The following MED12L variants were observed in gnomAD, a reference collection of about 807,000 sequenced individuals.
MED12L encodes mediator complex subunit 12L, also known as mediator of RNA polymerase II transcription subunit 12-like protein.
In MED12L, 60 loss-of-function variants were observed where a neutral mutation model predicts 281.3. The observed-to-expected ratio is 0.21, with a 90% confidence interval of 0.17 to 0.26. MED12L has a LOEUF of 0.26. Among genes scored for constraint, MED12L ranks in the 10% least tolerant of loss-of-function variants. The pLI, the probability that MED12L is intolerant of heterozygous loss-of-function variation, is 1.00. For missense variants in MED12L, 2,146 were observed against 2,680.9 expected (o/e 0.80, Z 4.41); for synonymous variants, 974 against 987.2 (o/e 0.99, Z 0.25).
chr3:151,283,621 C>T (rs893093685), intron 16 of MED12L, among the ~76,000 whole-genome samples: 4 of 152,154 alleles, frequency 2.6e-5, no homozygotes, highest in Admixed American at 6.6e-5. Context: ...CATGCCTAGC[C>T]GTCCTTGCTG....
chr3:151,264,536 G>C (rs61159567), intron 16 of MED12L, among the ~76,000 whole-genome samples: 15 of 152,212 alleles, frequency 9.9e-5, no homozygotes, highest in African/African-American at 3.6e-4. Flanking sequence ...CCATAACCCA[G>C]TATGGAGAGT....
At chr3:151,284,286 GT>G (rs796278950) in intron 16 of MED12L, among the ~76,000 whole-genome samples, 10 of 146,092 alleles carry the variant, frequency 6.8e-5, no homozygotes, top group South Asian at 2.2e-4. Flanking sequence ...AGTTTTGTTT[GT>G]TTTTTTTTTT....
At chr3:151,116,665 C>T (rs1324162623) in intron 3 of MED12L, among the ~76,000 whole-genome samples, 1 of 152,122 alleles carries the variant, frequency 6.6e-6, no homozygotes, top group Non-Finnish European at 1.5e-5. Flanking sequence ...TCTGCCTCTC[C>T]CTCCTCCCCA....
chr3:151,126,958 G>GAT (rs938442613), intron 4 of MED12L, among the ~76,000 whole-genome samples: 2 of 152,088 alleles, frequency 1.3e-5, no homozygotes, highest in African/African-American at 4.8e-5. Flanking sequence ...GGCTGGCGTG[G>GAT]GGCATGTCCT....
chr3:151,377,104 C>T lies in MED12L; in HGVS notation c.4242C>T (p.Ser1414=). 1 of 1,614,046 alleles carries T rather than the reference C, an allele frequency of 6.2e-7. No homozygotes were observed. The highest frequency in any genetic ancestry group is 8.5e-7 in the Non-Finnish European group (1 of 1,179,924). ...DLNNSSNSGM[S]LFNPNSIGSA... is the part of the protein sequence containing the mutation. ...ATAATTCTTCTAATTCTGGCATGAGCCTCTTCAACCCAAACAGTATTGGAA... is the reference window on the plus strand; with the variant it reads ...ATAATTCTTCTAATTCTGGCATGAGTCTCTTCAACCCAAACAGTATTGGAA... The change falls in exon 30 of 45, where the codon AGC becomes AGT. Residue 1414 remains serine (S), a synonymous_variant. Transcript: ENST00000687756.
chr3:151,282,979 A>G (rs540958883), intron 16 of MED12L, among the ~76,000 whole-genome samples: 1 of 152,214 alleles, frequency 6.6e-6, no homozygotes, highest in Non-Finnish European at 1.5e-5. Flanking sequence ...ATGTGAGATA[A>G]GTCACCACAT....
At chr3:151,093,774 A>G (rs932008962) in intron 2 of MED12L, among the ~76,000 whole-genome samples, 8 of 152,216 alleles carry the variant, frequency 5.3e-5, no homozygotes, top group Admixed American at 1.3e-4. Context: ...GCTTTGTTCC[A>G]TGAAGCCATT....
chr3:151,109,443 TTC>T (rs1711533790), intron 2 of MED12L, among the ~76,000 whole-genome samples: 3 of 152,254 alleles, frequency 2.0e-5, no homozygotes, highest in Admixed American at 1.3e-4. Context: ...TGGTTTCTGT[TTC>T]TCTCTGTGTG....
chr3:151,158,616 C>G, intron 6 of MED12L, 73 bp from the exon 7 acceptor site: 1 of 894,958 alleles, frequency 1.1e-6, no homozygotes, highest in South Asian at 1.5e-5. Context: ...TAGACTTAAG[C>G]ATAAGAATGA....
rs767203300 is a variant in MED12L, at chr3:151,294,337, AG to A, written c.2251-55721del. The stretch of plus-strand genomic sequence containing the variant: ...TTGGATCCAGGCAAACATTACACGC[AG>A]ACAAGAAAAGTGTAATTTCTTTGCA... On this transcript the variant is annotated intron_variant, in intron 16 of 44. Coordinates refer to ENST00000687756, the MANE Select transcript of MED12L (RefSeq NM_001393769.1). 5 of 1,614,054 alleles carry A rather than the reference AG, an allele frequency of 3.1e-6. No homozygotes were observed. The African/African-American group carries it at 5.3e-5, about 17-fold the overall frequency.
chr3:151,339,105 T>C (rs938801988), intron 16 of MED12L, among the ~76,000 whole-genome samples: 1 of 152,188 alleles, frequency 6.6e-6, no homozygotes, highest in Non-Finnish European at 1.5e-5. Flanking sequence ...TAGTATTTTT[T>C]TATTTGTTGA....
At chr3:151,146,880 A>G (rs1717826648) in intron 5 of MED12L, among the ~76,000 whole-genome samples, 1 of 152,072 alleles carries the variant, frequency 6.6e-6, no homozygotes, top group Admixed American at 6.6e-5. Context: ...ATCATTCAGC[A>G]GAACCCAGCA....
At chr3:151,301,041 G>A (rs890337313) in intron 16 of MED12L, among the ~76,000 whole-genome samples, 10 of 152,086 alleles carry the variant, frequency 6.6e-5, no homozygotes, top group Admixed American at 5.9e-4. Flanking sequence ...CTATCCATAC[G>A]TCACCTTGAA....
chr3:151,228,919 C>T (rs367819627), intron 16 of MED12L, among the ~76,000 whole-genome samples: 8 of 152,156 alleles, frequency 5.3e-5, no homozygotes, highest in Admixed American at 2.0e-4. Flanking sequence ...GACCTCTTTT[C>T]GCCTCACTGA....
rs113001153 is a variant in MED12L at position 151,241,101 on chromosome 3, A to G, written c.2250+47435A>G. Among the ~76,000 whole-genome samples, 1,032 of 152,166 alleles carry G rather than the reference A, an allele frequency of 6.8e-3. 7 individuals are homozygous for G. The highest frequency in any genetic ancestry group is 0.014 in the South Asian group (69 of 4,822). ...TTTAGTACTTGTACTTGGAAGTGTT[A>G]GTTAGAAGTCTTAGATCTCACTATC... On this transcript the variant is annotated intron_variant, in intron 16 of 44. Coordinates refer to ENST00000687756, the MANE Select transcript of MED12L (RefSeq NM_001393769.1).
At chr3:151,211,693 G>T (rs969801354) in intron 16 of MED12L, among the ~76,000 whole-genome samples, 5 of 152,196 alleles carry the variant, frequency 3.3e-5, no homozygotes, top group African/African-American at 1.2e-4. Flanking sequence ...TGTTGCCCAG[G>T]CTGGAGTGCA....
intron 5 of MED12L, among the ~76,000 whole-genome samples, chr3:151,150,075 A>G (rs969051628): frequency 2.0e-5 from 3 of 152,172 alleles, no homozygotes; most frequent in African/African-American, 7.2e-5. Flanking sequence ...ATGAATCACA[A>G]GTGTTCTTAA....
chr3:151,224,809 T>C (rs1373169151), intron 16 of MED12L, among the ~76,000 whole-genome samples: 2 of 152,206 alleles, frequency 1.3e-5, no homozygotes, highest in Admixed American at 1.3e-4. Flanking sequence ...TTTGCAGCAT[T>C]TGATATCATT....
intron 16 of MED12L, among the ~76,000 whole-genome samples, chr3:151,325,264 C>A (rs1213069479): frequency 6.6e-6 from 1 of 152,168 alleles, no homozygotes; most frequent in African/African-American, 2.4e-5. Flanking sequence ...AAGAATTCTT[C>A]CGAGTGTGGG....
Sources: allele counts gnomAD v4.1 joint callset (sites outside exome capture counted in the v4.1 genomes callset), GRCh38; gene constraint gnomAD v4.1.1; transcripts MANE v1.5; gene names NCBI Gene and HGNC (gene_info 2026-07-23, HGNC 2026-07-21).